The following LYRM2 variants were observed in gnomAD, a reference collection of about 807,000 sequenced individuals.
LYRM2 encodes the protein LYR motif containing 2, also known as LYR motif-containing protein 2.
A neutral mutation model predicts 11.6 loss-of-function variants in LYRM2; 8 were observed. The observed-to-expected ratio is 0.69, with a 90% confidence interval of 0.40 to 1.24. The LOEUF is 1.24. Among genes scored for constraint, LYRM2 ranks in the 50% most tolerant of loss-of-function variants. The probability of loss-of-function intolerance (pLI) is 0.01; values close to 1 mark genes in which losing one functional copy is unlikely to be tolerated. For missense variants in LYRM2, 117 were observed against 102.9 expected, an observed-to-expected ratio of 1.14 and a Z score of -0.59; for synonymous variants, 30 against 36.4, an observed-to-expected ratio of 0.83 and a Z score of 0.63.
At chr6:89,638,023 T>G in intron 1 of LYRM2, 141 bp from the exon 2 acceptor site, 1 of 967,840 alleles carries the variant, frequency 1.0e-6, no homozygotes, top group Non-Finnish European at 1.5e-6. Context: ...TTTTTTTTCT[T>G]TTTTTGGCCA....
chr6:89,638,640 A>C (rs1319548562), intron 1 of LYRM2, 32 bp downstream of exon 1: 5 of 1,613,804 alleles, frequency 3.1e-6, no homozygotes, highest in African/African-American at 1.3e-5. Flanking sequence ...GACCCAGGTA[A>C]GCTGCTTTGG....
In LYRM2 at chr6:89,635,167, AG is replaced by A. The variant is rs1303307938; in HGVS notation, c.*2105del. ...AAACCTTTCCATGCACACCACTGTT[AG>A]GAAGAGCATCATTAAATCACTGACT... On this transcript the variant is annotated 3_prime_UTR_variant, in exon 3 of 3. Coordinates refer to ENST00000523377, the MANE Select transcript of LYRM2 (RefSeq NM_020466.5). 6.6e-6 allele frequency: 1 copy of A among 152,226 alleles called. No individual in the cohort carries two copies. Among genetic ancestry groups the A allele is most frequent in the African/African-American group, 2.4e-5 (1 of 41,458 alleles). The allele number at this position is 152,226 out of a possible 1,614,324, so 9.4% of individuals were successfully genotyped here. A position where few individuals can be genotyped will look rare whatever the true frequency, so the allele number is the denominator to read the frequency against.
In LYRM2 at chr6:89,635,336, T is replaced by C. The variant is rs573802483; in HGVS notation, c.*1937A>G. The C allele has an allele frequency of 1.4e-4, 22 of 152,382 alleles. No homozygotes were observed. The highest frequency in any genetic ancestry group is 4.6e-4 in the African/African-American group (19 of 41,598). The allele number at this position is 152,382 out of a possible 1,614,324, so 9.4% of individuals were successfully genotyped here. Reference sequence around the variant, plus strand: ...GTCACAAATGCTTCTGTTTGTCAGATCATTTTGCAACAGGTTAACTAATAC... The same window carrying C: ...GTCACAAATGCTTCTGTTTGTCAGACCATTTTGCAACAGGTTAACTAATAC... On this transcript the variant is annotated 3_prime_UTR_variant, in exon 3 of 3. Transcript: ENST00000523377.
Position 89,638,611 on chromosome 6 carries a change from A to AT in LYRM2, c.45+60_45+61insA. On this transcript the variant is annotated intron_variant, in intron 1 of 2. Coordinates refer to ENST00000523377, the MANE Select transcript of LYRM2 (RefSeq NM_020466.5). The stretch of plus-strand genomic sequence containing the variant: ...AACCCGCCCCGTTGGGGATAGGGAC[A>AT]GATGGAGAATCCAGCTCAGACCCAG... The AT allele has an allele frequency of 2.5e-6, 4 of 1,611,650 alleles. 1 individual carries two copies. The highest frequency in any genetic ancestry group is 3.3e-4 in the Middle Eastern group (2 of 6,054).
chr6:89,638,745 C>A lies in LYRM2; in HGVS notation c.-29G>T, dbSNP rs768843650. ...CACCAGAGGTCCGCCGGAGCCTCAG[C>A]GCGCAGGAGCGGAAGTGGGGTTCGA... On this transcript the variant is annotated 5_prime_UTR_variant, in exon 1 of 3. Coordinates refer to ENST00000523377, the MANE Select transcript of LYRM2 (RefSeq NM_020466.5). The A allele has an allele frequency of 3.7e-6, 6 of 1,611,510 alleles. No individual in the cohort carries two copies. Among genetic ancestry groups the A allele is most frequent in the Middle Eastern group, 1.6e-4 (1 of 6,082 alleles).
Position 89,636,189 on chromosome 6 carries a change from C to G in LYRM2, c.*1084G>C, listed in dbSNP as rs1317747852. The G allele has an allele frequency of 1.3e-5, 2 of 152,134 alleles. No individual in the cohort carries two copies. Among genetic ancestry groups the G allele is most frequent in the African/African-American group, 4.8e-5 (2 of 41,420 alleles). The allele number at this position is 152,134 out of a possible 1,614,324, so 9.4% of individuals were successfully genotyped here. A position where few individuals can be genotyped will look rare whatever the true frequency, so the allele number is the denominator to read the frequency against. ...TACCTTACATTTAAAATGTACAGTT[C>G]AGTGGATTTGAATATATTCAAGAGT... On this transcript the variant is annotated 3_prime_UTR_variant, in exon 3 of 3. Transcript: ENST00000523377.
intron 1 of LYRM2, 186 bp downstream of exon 1, chr6:89,638,486 G>A: frequency 2.6e-6 from 4 of 1,511,358 alleles, no homozygotes; most frequent in South Asian, 2.6e-5. Context: ...CCAAACCAAG[G>A]AAGCAGCCAG....
At position 89,634,718 on chromosome 6, in the gene LYRM2, ATC is replaced by A. The variant is rs1385426738; in HGVS notation, c.*2553_*2554del. On this transcript the variant is annotated 3_prime_UTR_variant, in exon 3 of 3. Transcript: ENST00000523377. ...AGAGACCCTGTCTCAAAAAAAAGTC[ATC>A]TGTGTGTTTCTTGCAGGCACATCTA... is the stretch of plus-strand genomic sequence containing the variant. 1 of 152,186 alleles carries A rather than the reference ATC, an allele frequency of 6.6e-6. No homozygotes were observed. Among genetic ancestry groups the A allele is most frequent in the Non-Finnish European group, 1.5e-5 (1 of 68,040 alleles). The allele number at this position is 152,186 out of a possible 1,614,324, so 9.4% of individuals were successfully genotyped here. A position where few individuals can be genotyped will look rare whatever the true frequency, so the allele number is the denominator to read the frequency against.
rs1452880891 is a variant in LYRM2 at position 89,634,090 on chromosome 6, A to T, written c.*3183T>A. On this transcript the variant is annotated 3_prime_UTR_variant, in exon 3 of 3. Coordinates refer to ENST00000523377, the MANE Select transcript of LYRM2 (RefSeq NM_020466.5). ...AAATACTGGACAAAGGGGAAGGACAAAACATCATTTGCAATAGTTAAAGGT... is the reference window on the plus strand; with the variant it reads ...AAATACTGGACAAAGGGGAAGGACATAACATCATTTGCAATAGTTAAAGGT... 6.6e-6 allele frequency: 1 copy of T among 152,250 alleles called. No homozygotes were observed. Among genetic ancestry groups the T allele is most frequent in the Non-Finnish European group, 1.5e-5 (1 of 68,046 alleles). The allele number at this position is 152,250 out of a possible 1,614,324, so 9.4% of individuals were successfully genotyped here.
At chr6:89,638,356 G>A in intron 1 of LYRM2, 1 of 1,261,736 alleles carries the variant, frequency 7.9e-7, no homozygotes, top group South Asian at 2.2e-5. Flanking sequence ...TCAAATCTTT[G>A]GTAATCTCAT....
rs1243788912 is a variant in LYRM2, at chr6:89,634,783, T to A, written c.*2490A>T. ...TACCATGAATTTAAAACTTCTAACT[T>A]GATGGCACTTTTTTATTTTTTTTGA... is the stretch of plus-strand genomic sequence containing the variant. On this transcript the variant is annotated 3_prime_UTR_variant, in exon 3 of 3. Coordinates refer to ENST00000523377, the MANE Select transcript of LYRM2 (RefSeq NM_020466.5). The A allele has an allele frequency of 6.6e-6, 1 of 152,228 alleles. No homozygotes were observed. Among genetic ancestry groups the A allele is most frequent in the Non-Finnish European group, 1.5e-5 (1 of 68,084 alleles). 9.4% of individuals were successfully genotyped at this position (152,228 alleles called of 1,614,324 possible).
Position 89,632,789 on chromosome 6 carries a change from T to G in LYRM2, c.*4484A>C, listed in dbSNP as rs1051704576. The stretch of plus-strand genomic sequence containing the variant: ...AATACAGAATTGTAGAGCTGGAGAG[T>G]ACCTTCAGTTTTCTAAATCTATTCT... On this transcript the variant is annotated 3_prime_UTR_variant, in exon 3 of 3. Transcript: ENST00000523377. 1.3e-5 allele frequency: 2 copies of G among 152,158 alleles called. No individual in the cohort carries two copies. Among genetic ancestry groups the G allele is most frequent in the Non-Finnish European group, 2.9e-5 (2 of 68,030 alleles). 9.4% of individuals were successfully genotyped at this position (152,158 alleles called of 1,614,324 possible). A position where few individuals can be genotyped will look rare whatever the true frequency, so the allele number is the denominator to read the frequency against.
rs141580958 is a variant in LYRM2, at chr6:89,632,839, T to A, written c.*4434A>T. The A allele has an allele frequency of 2.0e-5, 3 of 152,226 alleles. No individual in the cohort carries two copies. Among genetic ancestry groups the A allele is most frequent in the African/African-American group, 7.2e-5 (3 of 41,460 alleles). The allele number at this position is 152,226 out of a possible 1,614,324, so 9.4% of individuals were successfully genotyped here. A position where few individuals can be genotyped will look rare whatever the true frequency, so the allele number is the denominator to read the frequency against. ...TCAAACAGGATATCACTAACCTCTT[T>A]AGAATCATTCCTCAGTATACATCAA... On this transcript the variant is annotated 3_prime_UTR_variant, in exon 3 of 3. Coordinates refer to ENST00000523377, the MANE Select transcript of LYRM2 (RefSeq NM_020466.5).
In LYRM2 at chr6:89,634,797, TA is replaced by T. The variant is rs1425951464; in HGVS notation, c.*2475del. ...AACTTCTAACTTGATGGCACTTTTT[TA>T]TTTTTTTTGAGACAAGAGTCTCACT... On this transcript the variant is annotated 3_prime_UTR_variant, in exon 3 of 3. Transcript: ENST00000523377. 5 of 152,250 alleles carry T rather than the reference TA, an allele frequency of 3.3e-5. No individual in the cohort carries two copies. Among genetic ancestry groups the T allele is most frequent in the African/African-American group, 1.2e-4 (5 of 41,452 alleles). 9.4% of individuals were successfully genotyped at this position (152,250 alleles called of 1,614,324 possible). A position where few individuals can be genotyped will look rare whatever the true frequency, so the allele number is the denominator to read the frequency against.
rs1382001616 is a variant in LYRM2, at chr6:89,637,855, G to C, written c.73C>G (p.Leu25Val). The C allele has an allele frequency of 1.2e-6, 2 of 1,613,846 alleles. No homozygotes were observed. The highest frequency in any genetic ancestry group is 2.7e-5 in the African/African-American group (2 of 74,900). Residue 25 changes from leucine to valine, a missense_variant, in exon 2 of 3, where the codon CTC (leucine) becomes GTC (valine). Coordinates refer to ENST00000523377, the MANE Select transcript of LYRM2 (RefSeq NM_020466.5). Reference protein sequence around the residue: ...QFVRRQQVLLLYRRILQTIRQ... With the variant: ...QFVRRQQVLLVYRRILQTIRQ... ...ATTGTTTGCAAAATCCTTCTGTAGA[G>C]GAGAAGAACTTGTTGCCTTCTTACG...
Position 89,638,722 on chromosome 6 carries a change from C to A in LYRM2, c.-6G>T, listed in dbSNP as rs1356175048. 1 of 1,613,878 alleles carries A rather than the reference C, an allele frequency of 6.2e-7. No individual in the cohort carries two copies. The highest frequency in any genetic ancestry group is 2.2e-5 in the East Asian group (1 of 44,882). ...GGTAAGCGGGAAGCAGCCATGTCCA[C>A]CAGAGGTCCGCCGGAGCCTCAGCGC... On this transcript the variant is annotated 5_prime_UTR_variant, in exon 1 of 3. Coordinates refer to ENST00000523377, the MANE Select transcript of LYRM2 (RefSeq NM_020466.5).
rs1807681010 is a variant in LYRM2 at position 89,632,862 on chromosome 6, C to G, written c.*4411G>C. On this transcript the variant is annotated 3_prime_UTR_variant, in exon 3 of 3. Coordinates refer to ENST00000523377, the MANE Select transcript of LYRM2 (RefSeq NM_020466.5). ...TTTAGAATCATTCCTCAGTATACAT[C>G]AATTTATTGAGAACTGCCTAATACT... is the stretch of plus-strand genomic sequence containing the variant. 1 of 152,180 alleles carries G rather than the reference C, an allele frequency of 6.6e-6. No individual in the cohort carries two copies. Among genetic ancestry groups the G allele is most frequent in the African/African-American group, 2.4e-5 (1 of 41,434 alleles). The allele number at this position is 152,180 out of a possible 1,614,324, so 9.4% of individuals were successfully genotyped here.
chr6:89,638,726 A>T lies in LYRM2; in HGVS notation c.-10T>A. ...AGCGGGAAGCAGCCATGTCCACCAG[A>T]GGTCCGCCGGAGCCTCAGCGCGCAG... On this transcript the variant is annotated 5_prime_UTR_variant, in exon 1 of 3. Transcript: ENST00000523377. The T allele has an allele frequency of 6.2e-7, 1 of 1,613,946 alleles. No homozygotes were observed. Among genetic ancestry groups the T allele is most frequent in the African/African-American group, 1.3e-5 (1 of 75,040 alleles).
rs1359804547 is a variant in LYRM2 at position 89,636,987 on chromosome 6, T to C, written c.*286A>G. The C allele has an allele frequency of 4.0e-6, 1 of 250,924 alleles. No homozygotes were observed. Among genetic ancestry groups the C allele is most frequent in the East Asian group, 9.6e-5 (1 of 10,434 alleles). The allele number at this position is 250,924 out of a possible 1,614,324, so 15.5% of individuals were successfully genotyped here. On this transcript the variant is annotated 3_prime_UTR_variant, in exon 3 of 3. Transcript: ENST00000523377. ...TGAGCCACTACACCCGACCTCATAG[T>C]AGTTTTGATTTACACTTCCCTAATG...
Sources: gnomAD v4.1 joint callset for allele counts on GRCh38, gnomAD v4.1.1 for gene constraint, MANE v1.5 for transcripts, NCBI Gene and HGNC (gene_info 2026-07-23, HGNC 2026-07-21) for gene names.